The following KDM4C variants were observed in gnomAD, a reference collection of about 807,000 sequenced individuals.
KDM4C encodes the protein lysine demethylase 4C.
Under a neutral mutation model 129.3 loss-of-function variants are expected in KDM4C, and 81 were observed. The ratio of observed to expected loss-of-function variants is 0.63; its 90% CI spans 0.52 to 0.75. KDM4C has a LOEUF of 0.75. Ranked by LOEUF, KDM4C falls within the 30% of genes least tolerant of loss-of-function variation. The pLI is 0.00. For missense variants in KDM4C, 1,457 were observed against 1,304.0 expected (o/e 1.12, Z -1.81); for synonymous variants, 573 against 456.1 (o/e 1.26, Z -3.26).
At chr9:7,068,682 C>CTCTCTT (rs1491581614) in intron 17 of KDM4C, among the ~76,000 whole-genome samples, 2 of 88,534 alleles carry the variant, frequency 2.3e-5, no homozygotes, top group Non-Finnish European at 4.6e-5. Context: ...TTATGATGCC[C>CTCTCTT]TTTCTTTTTT....
At chr9:6,847,823 G>T (rs1198907615) in intron 4 of KDM4C, among the ~76,000 whole-genome samples, 1 of 152,190 alleles carries the variant, frequency 6.6e-6, no homozygotes, top group Non-Finnish European at 1.5e-5. Flanking sequence ...GTTCAGTTAT[G>T]TTACCTGAGT....
chr9:6,857,339 GT>G (rs1840045418), intron 5 of KDM4C, among the ~76,000 whole-genome samples: 1 of 152,190 alleles, frequency 6.6e-6, no homozygotes, highest in Non-Finnish European at 1.5e-5. Flanking sequence ...TTTAAAAAGT[GT>G]TGGAAATATA....
intron 18 of KDM4C, among the ~76,000 whole-genome samples, chr9:7,116,849 T>G (rs1029463438): frequency 1.4e-4 from 21 of 152,202 alleles, no homozygotes. Flanking sequence ...TGTGTCTTTA[T>G]AGGCACAGTT....
chr9:7,049,021 C>G (rs1028835442), intron 16 of KDM4C, 71 bp from the exon 17 acceptor site: 3 of 948,974 alleles, frequency 3.2e-6, no homozygotes, highest in African/African-American at 1.6e-5. Flanking sequence ...TCTGTGAGAA[C>G]TGGCATCACC....
At chr9:6,947,609 T>C (rs1226863742) in intron 8 of KDM4C, among the ~76,000 whole-genome samples, 1 of 152,178 alleles carries the variant, frequency 6.6e-6, no homozygotes, top group Non-Finnish European at 1.5e-5. Flanking sequence ...TTTCATTGTA[T>C]GGTATGAGGC....
chr9:7,111,227 T>C (rs1384476510), intron 18 of KDM4C, among the ~76,000 whole-genome samples: 1 of 152,146 alleles, frequency 6.6e-6, no homozygotes, highest in Non-Finnish European at 1.5e-5. Context: ...GTCCCATTCA[T>C]GGTAGGTATA....
At chr9:6,875,470 A>T (rs940847141) in intron 5 of KDM4C, among the ~76,000 whole-genome samples, 2 of 152,106 alleles carry the variant, frequency 1.3e-5, no homozygotes, top group African/African-American at 4.8e-5. Context: ...AGGAAGACTA[A>T]TTTTGTCCTG....
rs1222561180 is a variant in KDM4C at position 7,038,015 on chromosome 9, T to C, written c.2260-8847T>C. Among the ~76,000 whole-genome samples the C allele has an allele frequency of 9.9e-5, 15 of 152,208 alleles. No homozygotes were observed. In the South Asian group the frequency reaches 2.9e-3, roughly 29 times the overall value. ...TTGATTTTATTTATTTATTTTGTTC[T>C]GTAAGGATGAACAGTTTTGATATCA... is the stretch of plus-strand genomic sequence containing the variant. On this transcript the variant is annotated intron_variant, in intron 15 of 21. Coordinates refer to ENST00000381309, the MANE Select transcript of KDM4C (RefSeq NM_015061.6).
At chr9:7,124,954 C>T (rs952082840) in intron 18 of KDM4C, among the ~76,000 whole-genome samples, 20 of 152,272 alleles carry the variant, frequency 1.3e-4, no homozygotes, top group Non-Finnish European at 2.6e-4. Context: ...TTTCTTCAGA[C>T]CCTCATCTCC....
chr9:7,032,932 G>C (rs1827022953), intron 15 of KDM4C, among the ~76,000 whole-genome samples: 1 of 152,140 alleles, frequency 6.6e-6, no homozygotes. Context: ...CCTTTCATAT[G>C]TACTCTAGGT....
chr9:6,840,844 G>C (rs1836792914), intron 4 of KDM4C, among the ~76,000 whole-genome samples: 1 of 152,190 alleles, frequency 6.6e-6, no homozygotes, highest in Non-Finnish European at 1.5e-5. Flanking sequence ...ATGTGAGATG[G>C]TGGTGCATGC....
chr9:7,142,408 C>A (rs1002025367), intron 19 of KDM4C, among the ~76,000 whole-genome samples: 1 of 152,210 alleles, frequency 6.6e-6, no homozygotes, highest in African/African-American at 2.4e-5. Flanking sequence ...GCCACCACAA[C>A]CAGCCTAGTT....
chr9:7,122,286 T>TCTCTCTCTC (rs1554752013), intron 18 of KDM4C, among the ~76,000 whole-genome samples: 2 of 87,720 alleles, frequency 2.3e-5, no homozygotes, highest in Non-Finnish European at 2.6e-5. Flanking sequence ...CTCTCTCTCT[T>TCTCTCTCTC]AAACAGCCAG....
intron 1 of KDM4C, among the ~76,000 whole-genome samples, chr9:6,725,800 C>T (rs113422509): frequency 0.01 from 1,568 of 150,858 alleles, 12 homozygotes; most frequent in South Asian, 0.036. Flanking sequence ...ACCTCCACCT[C>T]CGTGGTTCAA....
intron 3 of KDM4C, among the ~76,000 whole-genome samples, chr9:6,812,476 G>A (rs1831334932): frequency 1.3e-5 from 2 of 152,124 alleles, no homozygotes; most frequent in African/African-American, 4.8e-5. Context: ...TGGGAGTGGT[G>A]GGATGGTTTC....
At chr9:7,139,021 C>T (rs1841491032) in intron 19 of KDM4C, among the ~76,000 whole-genome samples, 1 of 152,116 alleles carries the variant, frequency 6.6e-6, no homozygotes, top group Non-Finnish European at 1.5e-5. Flanking sequence ...CCTGGAATCC[C>T]AGCACCTTGG....
At chr9:7,014,143 G>T (rs1412213137) in intron 14 of KDM4C, 142 bp downstream of exon 14, 7 of 655,796 alleles carry the variant, frequency 1.1e-5, no homozygotes, top group South Asian at 6.4e-5. Context: ...TCATATTTCT[G>T]CTGGTAAAAG....
intron 1 of KDM4C, among the ~76,000 whole-genome samples, chr9:6,726,032 T>C (rs13285962): frequency 0.086 from 13,093 of 151,772 alleles, 709 homozygotes; most frequent in Non-Finnish European, 0.12. Context: ...GTTCAAGCAA[T>C]TCCCCTGCTT....
Position 7,156,953 on chromosome 9 carries a change from A to G in KDM4C, c.2782-8285A>G, listed in dbSNP as rs141633052. Among the ~76,000 whole-genome samples, 367 of 152,316 alleles carry G rather than the reference A, an allele frequency of 2.4e-3. 3 individuals are homozygous for G. The highest frequency in any genetic ancestry group is 8.6e-3 in the African/African-American group (358 of 41,568). ...ATAAATTACCTTGGGCAGTGTAGCC[A>G]TTTGCACAATATTGATTCTTCCTAT... On this transcript the variant is annotated intron_variant, in intron 19 of 21. Coordinates refer to ENST00000381309, the MANE Select transcript of KDM4C (RefSeq NM_015061.6).
Sources: gnomAD v4.1 joint callset for allele counts (sites outside exome capture counted in the v4.1 genomes callset) on GRCh38, gnomAD v4.1.1 for gene constraint, MANE v1.5 for transcripts, NCBI Gene and HGNC (gene_info 2026-07-23, HGNC 2026-07-21) for gene names.